The following CCSER1 variants were observed in gnomAD, a reference collection of about 807,000 sequenced individuals.
The protein encoded by CCSER1 is serine-rich coiled-coil domain-containing protein 1.
In CCSER1, 41 loss-of-function variants were observed where a neutral mutation model predicts 82.0. That is an observed-to-expected ratio of 0.50 (90% confidence interval 0.39 to 0.65). The LOEUF is 0.65. CCSER1 is among the 30% of genes least tolerant of loss of function. The pLI, the probability that CCSER1 is intolerant of heterozygous loss-of-function variation, is 0.00. For missense variants in CCSER1, 1,119 were observed against 1,064.2 expected (o/e 1.05, Z -0.72); for synonymous variants, 414 against 383.9 (o/e 1.08, Z -0.92).
At chr4:91,139,933 T>A (rs1285551024) in intron 10 of CCSER1, among the ~76,000 whole-genome samples, 4 of 152,154 alleles carry the variant, frequency 2.6e-5, no homozygotes, top group Non-Finnish European at 4.4e-5. Flanking sequence ...TACTTGTTCA[T>A]GAGAAAAAGT....
chr4:91,120,123 T>G (rs1212903277), intron 10 of CCSER1, among the ~76,000 whole-genome samples: 1 of 152,022 alleles, frequency 6.6e-6, no homozygotes, highest in African/African-American at 2.4e-5. Flanking sequence ...AATAATAATT[T>G]GCATAATAGT....
intron 7 of CCSER1, 62 bp from the exon 8 acceptor site, chr4:90,815,700 C>T: frequency 8.4e-7 from 1 of 1,189,386 alleles, no homozygotes; most frequent in Non-Finnish European, 1.2e-6. Context: ...AGCTGACTTT[C>T]CTTATCAAGA....
chr4:91,018,041 C>G, intron 9 of CCSER1, among the ~76,000 whole-genome samples: 1 of 152,006 alleles, frequency 6.6e-6, no homozygotes, highest in Non-Finnish European at 1.5e-5. Context: ...AATAATTCAT[C>G]TTATTTAGAA....
At chr4:90,818,027 C>A (rs931663741) in intron 8 of CCSER1, among the ~76,000 whole-genome samples, 2 of 152,024 alleles carry the variant, frequency 1.3e-5, no homozygotes, top group Non-Finnish European at 1.5e-5. Context: ...GTTTTCTATT[C>A]TTTCTCATGG....
In CCSER1 at chr4:90,259,358, G is replaced by A. The variant is rs141540612; in HGVS notation, c.-41-48886G>A. Among the ~76,000 whole-genome samples, 68 of 152,128 alleles carry A rather than the reference G, an allele frequency of 4.5e-4. 1 individual carries two copies. Among genetic ancestry groups the A allele is most frequent in the African/African-American group, 1.6e-3 (66 of 41,504 alleles). ...TACTGAATTTGTTTATCAGATCTAG[G>A]TGCCTTTTGGATGAGTATTTATGGT... On this transcript the variant is annotated intron_variant, in intron 1 of 10. Coordinates refer to ENST00000509176, the MANE Select transcript of CCSER1 (RefSeq NM_001145065.2).
chr4:91,572,426 C>T (rs1763229307), intron 10 of CCSER1, among the ~76,000 whole-genome samples: 1 of 152,056 alleles, frequency 6.6e-6, no homozygotes, highest in South Asian at 2.1e-4. Flanking sequence ...CTTAAAAAAT[C>T]AGTCTGGCCA....
intron 5 of CCSER1, among the ~76,000 whole-genome samples, chr4:90,509,115 T>C (rs1459553174): frequency 3.3e-5 from 5 of 152,052 alleles, no homozygotes; most frequent in Admixed American, 6.6e-5. Flanking sequence ...AATTAATACG[T>C]TTTTGCTATT....
chr4:90,731,471 C>T (rs1431060017), intron 7 of CCSER1, among the ~76,000 whole-genome samples: 5 of 152,048 alleles, frequency 3.3e-5, no homozygotes, highest in African/African-American at 4.8e-5. Context: ...TAAAACTAAA[C>T]ATAATTTGTG....
At chr4:91,541,066 A>G (rs1449204503) in intron 10 of CCSER1, among the ~76,000 whole-genome samples, 1 of 152,110 alleles carries the variant, frequency 6.6e-6, no homozygotes, top group Non-Finnish European at 1.5e-5. Context: ...TGATTTGTCA[A>G]TATTGGCAAA....
At chr4:90,941,188 C>T (rs1254636572) in intron 9 of CCSER1, among the ~76,000 whole-genome samples, 15 of 151,968 alleles carry the variant, frequency 9.9e-5, no homozygotes, top group Admixed American at 7.9e-4. Context: ...GAAGGAAAGC[C>T]ATGGACCCTT....
chr4:90,268,293 A>C (rs1725606842), intron 1 of CCSER1, among the ~76,000 whole-genome samples: 1 of 152,190 alleles, frequency 6.6e-6, no homozygotes, highest in African/African-American at 2.4e-5. Flanking sequence ...CTCATATCTT[A>C]AGTAGAAAGA....
chr4:90,898,461 T>A (rs1340775839), intron 8 of CCSER1, among the ~76,000 whole-genome samples: 1 of 147,818 alleles, frequency 6.8e-6, no homozygotes, highest in Non-Finnish European at 1.5e-5. Flanking sequence ...TTTTTTTTTG[T>A]ATTTTTAGTA....
chr4:91,472,007 A>C (rs1008302170), intron 10 of CCSER1, among the ~76,000 whole-genome samples: 4 of 151,942 alleles, frequency 2.6e-5, no homozygotes, highest in African/African-American at 9.7e-5. Flanking sequence ...AAAAAAACTA[A>C]AGATTTTATT....
At chr4:90,623,197 ATT>A (rs113601585) in intron 5 of CCSER1, among the ~76,000 whole-genome samples, 1 of 147,352 alleles carries the variant, frequency 6.8e-6, no homozygotes. Context: ...CCGGCTAATT[ATT>A]TTTTTTTTGT....
intron 5 of CCSER1, among the ~76,000 whole-genome samples, chr4:90,525,992 T>C (rs1206621781): frequency 6.6e-6 from 1 of 152,170 alleles, no homozygotes; most frequent in Admixed American, 6.5e-5. Flanking sequence ...CAATGTGTTT[T>C]AGTTAAAATA....
At position 90,271,890 on chromosome 4, in the gene CCSER1, T is replaced by TTA. The variant is rs1553982851; in HGVS notation, c.-41-36354_-41-36353insTA. Among the ~76,000 whole-genome samples the TTA allele has an allele frequency of 3.2e-3, 221 of 70,036 alleles. 22 individuals carry two copies. Among genetic ancestry groups the TTA allele is most frequent in the Middle Eastern group, 0.011 (1 of 90 alleles). The allele number at this position is 70,036 out of a possible 152,430, so 45.9% of individuals were successfully genotyped here. A position where few individuals can be genotyped will look rare whatever the true frequency, so the allele number is the denominator to read the frequency against. On this transcript the variant is annotated intron_variant, in intron 1 of 10. Transcript: ENST00000509176. ...TTTTTTTTTTTTTTTTTTTTTTTTTTAAAAGGAGGTTTAATTGACTCACAG... is the reference window on the plus strand; with the variant it reads ...TTTTTTTTTTTTTTTTTTTTTTTTTTTAAAAAGGAGGTTTAATTGACTCACAG...
Position 91,601,206 on chromosome 4 carries a change from A to C in CCSER1, c.*2149A>C. 6.6e-6 allele frequency: 1 copy of C among 152,212 alleles called. No individual in the cohort carries two copies. Among genetic ancestry groups the C allele is most frequent in the Admixed American group, 6.6e-5 (1 of 15,264 alleles). The allele number at this position is 152,212 out of a possible 1,614,324, so 9.4% of individuals were successfully genotyped here. A position where few individuals can be genotyped will look rare whatever the true frequency, so the allele number is the denominator to read the frequency against. ...CTTTTGAATTATACTTTATAAAAATAATCTATTTATAGAAGATCTGTCATT... is the reference window on the plus strand; with the variant it reads ...CTTTTGAATTATACTTTATAAAAATCATCTATTTATAGAAGATCTGTCATT... On this transcript the variant is annotated 3_prime_UTR_variant, in exon 11 of 11. Transcript: ENST00000509176.
At chr4:90,485,665 A>T (rs1223925310) in intron 5 of CCSER1, among the ~76,000 whole-genome samples, 2 of 152,040 alleles carry the variant, frequency 1.3e-5, no homozygotes, top group Admixed American at 6.5e-5. Context: ...CCTAGTACTC[A>T]TTAGTGATTT....
At chr4:90,557,086 C>A (rs1010073856) in intron 5 of CCSER1, among the ~76,000 whole-genome samples, 1 of 151,632 alleles carries the variant, frequency 6.6e-6, no homozygotes, top group African/African-American at 2.4e-5. Context: ...TTAATTGTAT[C>A]CCTTCCCACC....
Sources: gnomAD v4.1 joint callset for allele counts (sites outside exome capture counted in the v4.1 genomes callset) on GRCh38, gnomAD v4.1.1 for gene constraint, MANE v1.5 for transcripts, NCBI Gene and HGNC (gene_info 2026-07-23, HGNC 2026-07-21) for gene names.